KAZN: variants seen among roughly 807,000 people sequenced by gnomAD.
KAZN encodes the protein kazrin, periplakin interacting protein, also known as kazrin.
A neutral mutation model predicts 87.4 loss-of-function variants in KAZN; 40 were observed. The ratio of observed to expected loss-of-function variants is 0.46; its 90% CI spans 0.36 to 0.60. KAZN has a LOEUF of 0.60. Among genes scored for constraint, KAZN ranks in the 20% least tolerant of loss-of-function variants. The probability of loss-of-function intolerance (pLI) is 0.00; values close to 1 mark genes in which losing one functional copy is unlikely to be tolerated. For synonymous variants in KAZN, 466 were observed against 458.3 expected, an observed-to-expected ratio of 1.02 and a Z score of -0.22; for missense variants, 898 against 1,073.9, an observed-to-expected ratio of 0.84 and a Z score of 2.29.
chr1:14,951,235 T>C (rs1037480035), intron 1 of KAZN, among the ~76,000 whole-genome samples: 2 of 151,236 alleles, frequency 1.3e-5, no homozygotes, highest in Admixed American at 1.3e-4. Context: ...CCTAGTCCAC[T>C]GGCAAAGACT....
At chr1:14,635,258 C>A (rs141951258) in intron 1 of KAZN, among the ~76,000 whole-genome samples, 54 of 152,328 alleles carry the variant, frequency 3.5e-4, no homozygotes, top group African/African-American at 1.1e-3. Flanking sequence ...TTGGGCTAGT[C>A]CTTCACCTGC....
chr1:14,307,187 T>C (rs1203610567), intron 2 of KAZN, among the ~76,000 whole-genome samples: 1 of 152,142 alleles, frequency 6.6e-6, no homozygotes, highest in East Asian at 1.9e-4. Context: ...TTGAAATGAA[T>C]CACTTCTTTC....
intron 2 of KAZN, among the ~76,000 whole-genome samples, chr1:14,187,461 C>T (rs994899879): frequency 6.6e-6 from 1 of 152,168 alleles, no homozygotes; most frequent in Non-Finnish European, 1.5e-5. Context: ...TCACATATCT[C>T]ATTTTCTTCA....
At position 14,874,353 on chromosome 1, in the gene KAZN, C is replaced by A. The variant is rs188093188; in HGVS notation, c.227-86331C>A. Among the ~76,000 whole-genome samples, 15 of 152,250 alleles carry A rather than the reference C, an allele frequency of 9.9e-5. No individual in the cohort carries two copies. The East Asian group carries it at 2.7e-3, about 27-fold the overall frequency. On this transcript the variant is annotated intron_variant, in intron 1 of 14. Transcript: ENST00000376030. Reference sequence around the variant, plus strand: ...GAAGAGAGTGTTCAACTGTTAGATGCTGCTGACAGATTAAGTAAGAGGGGC... The same window carrying A: ...GAAGAGAGTGTTCAACTGTTAGATGATGCTGACAGATTAAGTAAGAGGGGC...
intron 2 of KAZN, among the ~76,000 whole-genome samples, chr1:14,973,437 A>G (rs1029251665): frequency 1.3e-5 from 2 of 152,226 alleles, no homozygotes; most frequent in Admixed American, 1.3e-4. Context: ...AAGGGGCACG[A>G]GAGCCTTTAT....
chr1:14,452,947 C>T (rs945976596), intron 2 of KAZN, among the ~76,000 whole-genome samples: 1 of 152,102 alleles, frequency 6.6e-6, no homozygotes, highest in Non-Finnish European at 1.5e-5. Flanking sequence ...AAATAGGCCT[C>T]TTTTGTTGTT....
At chr1:15,084,048 T>C (rs1640134800) in intron 8 of KAZN, among the ~76,000 whole-genome samples, 1 of 152,198 alleles carries the variant, frequency 6.6e-6, no homozygotes, top group African/African-American at 2.4e-5. Flanking sequence ...CAAGAGAAAC[T>C]GAGGCTTCCC....
chr1:14,808,652 T>C (rs1646306057), intron 1 of KAZN, among the ~76,000 whole-genome samples: 2 of 152,114 alleles, frequency 1.3e-5, no homozygotes, highest in Non-Finnish European at 2.9e-5. Flanking sequence ...TGTCTCAAAG[T>C]CTTAGACTCT....
At chr1:14,369,853 G>A (rs1255441241) in intron 2 of KAZN, among the ~76,000 whole-genome samples, 1 of 152,188 alleles carries the variant, frequency 6.6e-6, no homozygotes, top group Admixed American at 6.5e-5. Context: ...CATTGTTACA[G>A]TAATTTGTGT....
intron 13 of KAZN, among the ~76,000 whole-genome samples, chr1:15,106,865 GGA>G (rs1475025804): frequency 1.3e-5 from 2 of 152,170 alleles, no homozygotes; most frequent in African/African-American, 4.8e-5. Context: ...GTCAGTCATA[GGA>G]CTGTTCTTTA....
intron 1 of KAZN, among the ~76,000 whole-genome samples, chr1:14,720,120 G>A (rs994822610): frequency 2.6e-5 from 4 of 152,190 alleles, no homozygotes; most frequent in African/African-American, 9.7e-5. Context: ...GCAGAGCCCA[G>A]GCCTGGGATT....
chr1:15,032,027 C>A lies in KAZN; in HGVS notation c.419-2722C>A, dbSNP rs549595308. On this transcript the variant is annotated intron_variant, in intron 2 of 14. Coordinates refer to ENST00000376030, the MANE Select transcript of KAZN (RefSeq NM_201628.3). ...TATGTTCACAGAGTTATGTATCCAT[C>A]ACAATAACCAATGTTTGAACATTTT... Among the ~76,000 whole-genome samples, 8 of 152,120 alleles carry A rather than the reference C, an allele frequency of 5.3e-5. No individual in the cohort carries two copies. In the South Asian group the frequency reaches 1.7e-3, roughly 32 times the overall value.
At chr1:14,808,613 T>C (rs1326076747) in intron 1 of KAZN, among the ~76,000 whole-genome samples, 2 of 152,148 alleles carry the variant, frequency 1.3e-5, no homozygotes, top group Non-Finnish European at 2.9e-5. Context: ...TTCTAAATAA[T>C]GGATGCTTTG....
At position 14,184,955 on chromosome 1, in the gene KAZN, A is replaced by G. The variant is rs558269900; in HGVS notation, c.249+4363A>G. Reference sequence around the variant, plus strand: ...TCTTTCCGAAGTTGATACTGTGGTCAAGGTAGGTAGGCCTCTGTGGCTGTC... The same window carrying G: ...TCTTTCCGAAGTTGATACTGTGGTCGAGGTAGGTAGGCCTCTGTGGCTGTC... On this transcript the variant is annotated intron_variant, in intron 2 of 16. Transcript: ENST00000636203. The surrounding 1 kb of genome is among the most constrained non-coding windows in gnomAD (Gnocchi z 4.2). 2.0e-5 allele frequency among the ~76,000 whole-genome samples: 3 copies of G among 152,308 alleles called. No individual in the cohort carries two copies. The highest frequency in any genetic ancestry group is 4.4e-5 in the Non-Finnish European group (3 of 68,014).
intron 2 of KAZN, among the ~76,000 whole-genome samples, chr1:14,986,612 C>A (rs1476726678): frequency 6.6e-6 from 1 of 152,040 alleles, no homozygotes; most frequent in Admixed American, 6.6e-5. Flanking sequence ...TGGTATGGGT[C>A]TCTAGCATGA....
At chr1:14,687,265 G>T (rs1641007709) in intron 1 of KAZN, among the ~76,000 whole-genome samples, 2 of 152,036 alleles carry the variant, frequency 1.3e-5, no homozygotes, top group African/African-American at 4.8e-5. Flanking sequence ...AGCACCTGCT[G>T]TGACTGGCCC....
Position 14,856,619 on chromosome 1 carries a change from T to A in KAZN, c.227-104065T>A, listed in dbSNP as rs995180675. On this transcript the variant is annotated intron_variant, in intron 1 of 14. Transcript: ENST00000376030. This position sits in a 1 kb window ranked among gnomAD's most constrained non-coding sequence, Gnocchi z 5.2. ...TAGCTCAACAATTCACTAAGTGTGA[T>A]GCAGCCACACATTCTTTGGGTTTTT... Among the ~76,000 whole-genome samples the A allele has an allele frequency of 6.6e-6, 1 of 151,920 alleles. No individual in the cohort carries two copies. Among genetic ancestry groups the A allele is most frequent in the African/African-American group, 2.4e-5 (1 of 41,458 alleles).
chr1:14,133,922 G>A (rs1211045508), intron 1 of KAZN, among the ~76,000 whole-genome samples: 6 of 152,194 alleles, frequency 3.9e-5, no homozygotes, highest in East Asian at 3.8e-4. Flanking sequence ...GTCCTGCCTC[G>A]AAGGAGCAGT....
intron 1 of KAZN, among the ~76,000 whole-genome samples, chr1:14,931,286 A>C (rs1373802230): frequency 6.6e-6 from 1 of 151,182 alleles, no homozygotes; most frequent in Admixed American, 6.6e-5. Context: ...AAAAAAAAAA[A>C]TACAAAAATG....
Sources: gnomAD v4.1 joint callset for allele counts (sites outside exome capture counted in the v4.1 genomes callset) on GRCh38, gnomAD v4.1.1 for gene constraint, Gnocchi (gnomAD v3.1) non-coding constraint, MANE v1.5 for transcripts, NCBI Gene and HGNC (gene_info 2026-07-23, HGNC 2026-07-21) for gene names.